ASPSCR1: variants seen among roughly 807,000 people sequenced by gnomAD.
The protein encoded by ASPSCR1 is tether containing UBX domain for GLUT4.
A neutral mutation model predicts 68.9 loss-of-function variants in ASPSCR1; 55 were observed. The ratio of observed to expected loss-of-function variants is 0.80; its 90% CI spans 0.64 to 1.00. The LOEUF (loss-of-function observed/expected upper bound fraction) is 1.00, where lower values mean the gene tolerates loss of function less well. Among genes scored for constraint, ASPSCR1 ranks in the 50% least tolerant of loss-of-function variants. The pLI, the probability that ASPSCR1 is intolerant of heterozygous loss-of-function variation, is 0.00. For missense variants in ASPSCR1, 765 were observed against 762.2 expected, an observed-to-expected ratio of 1.00 and a Z score of -0.04; for synonymous variants, 352 against 332.6, an observed-to-expected ratio of 1.06 and a Z score of -0.63.
At chr17:81,984,994 A>AC (rs140516312) in intron 3 of ASPSCR1, among the ~76,000 whole-genome samples, 1,629 of 68,944 alleles carry the variant, frequency 0.024, 34 homozygotes, top group Non-Finnish European at 0.034. Flanking sequence ...CTGCGTGCAC[A>AC]CCCCCCCACA....
intron 5 of ASPSCR1, 140 bp from the exon 6 acceptor site, chr17:81,995,852 G>A (rs1031530868): frequency 2.5e-6 from 2 of 800,858 alleles, no homozygotes; most frequent in African/African-American, 1.7e-5. Context: ...ACCGGCAGGG[G>A]CCAGATGTGG....
chr17:81,998,471 G>T (rs1050018039), intron 7 of ASPSCR1, among the ~76,000 whole-genome samples: 1 of 152,126 alleles, frequency 6.6e-6, no homozygotes, highest in Non-Finnish European at 1.5e-5. Context: ...GATCTTAGTA[G>T]ACATCCTTCC....
In ASPSCR1 at chr17:82,009,583, G is replaced by T; in HGVS notation, c.1170+16G>T. The T allele has an allele frequency of 3.9e-6, 6 of 1,554,586 alleles. No homozygotes were observed. Among genetic ancestry groups the T allele is most frequent in the South Asian group, 1.2e-5 (1 of 85,510 alleles). ...CTACCCAAAGGTCTGCAGACAGGAT[G>T]TGGGGGCGACTGAGGCACAGCTCTG... On this transcript the variant is annotated intron_variant, in intron 9 of 15. Transcript: ENST00000306739.
At position 81,985,622 on chromosome 17, in the gene ASPSCR1, G is replaced by C. The variant is rs748152664; in HGVS notation, c.374+15G>C. 3 of 1,608,310 alleles carry C rather than the reference G, an allele frequency of 1.9e-6. No individual in the cohort carries two copies. The highest frequency in any genetic ancestry group is 2.2e-5 in the East Asian group (1 of 44,882). On this transcript the variant is annotated intron_variant, in intron 4 of 15. Coordinates refer to ENST00000306739, the MANE Select transcript of ASPSCR1 (RefSeq NM_024083.4). ...CCACAGATCAGGTGAGCATCAGTGG[G>C]CTGGGGGCTCTTCCCTACCCTGTTT...
In ASPSCR1 at chr17:81,977,792, C is replaced by G; in HGVS notation, c.102+44C>G. ...GGCGGACGGGTAGGCGGGCGGGGGG[C>G]GCTGCGCCGAGGCCCCGCCCATTGC... On this transcript the variant is annotated intron_variant, in intron 1 of 15. Transcript: ENST00000306739. This position sits in a 1 kb window ranked among gnomAD's most constrained non-coding sequence, Gnocchi z 5.0. 1 of 1,196,982 alleles carries G rather than the reference C, an allele frequency of 8.4e-7. No homozygotes were observed. The highest frequency in any genetic ancestry group is 1.0e-6 in the Non-Finnish European group (1 of 962,936). 74.1% of individuals were successfully genotyped at this position (1,196,982 alleles called of 1,614,324 possible). A position where few individuals can be genotyped will look rare whatever the true frequency, so the allele number is the denominator to read the frequency against.
intron 11 of ASPSCR1, chr17:82,012,025 C>T: frequency 1.5e-6 from 1 of 688,976 alleles, no homozygotes; most frequent in Non-Finnish European, 2.6e-6. Flanking sequence ...GGTGGTGTCC[C>T]CTGCAGGTGG....
chr17:82,003,687 C>T (rs2042611115), intron 7 of ASPSCR1, among the ~76,000 whole-genome samples: 1 of 152,256 alleles, frequency 6.6e-6, no homozygotes, highest in South Asian at 2.1e-4. Context: ...TTTGTGGTGT[C>T]TTCAGAGGCA....
Position 81,979,207 on chromosome 17 carries a change from G to T in ASPSCR1, c.126G>T (p.Arg42=). ...LLQVLEDTCR[R]QDFNPCEYDL... ...AGGTTCTGGAGGACACGTGCCGGCG[G>T]CAGGACTTCAACCCCTGTGAATATG... The change falls in exon 2 of 16, where the codon CGG becomes CGT. Residue 42 remains arginine (R), a synonymous_variant. Coordinates refer to ENST00000306739, the MANE Select transcript of ASPSCR1 (RefSeq NM_024083.4). The T allele has an allele frequency of 6.2e-7, 1 of 1,614,118 alleles. No individual in the cohort carries two copies. The highest frequency in any genetic ancestry group is 8.5e-7 in the Non-Finnish European group (1 of 1,180,012).
chr17:82,003,537 G>A (rs1437897868), intron 7 of ASPSCR1, among the ~76,000 whole-genome samples: 4 of 152,254 alleles, frequency 2.6e-5, no homozygotes, highest in East Asian at 3.8e-4. Context: ...CATGAGCATC[G>A]GTGCGGATGC....
At chr17:82,008,782 G>A (rs1271906521) in intron 7 of ASPSCR1, 1 of 416,106 alleles carries the variant, frequency 2.4e-6, no homozygotes. Context: ...CAGGGGCTCA[G>A]CATCAGGTCT....
intron 7 of ASPSCR1, chr17:82,008,677 C>T (rs1478925543): frequency 2.9e-5 from 6 of 210,270 alleles, no homozygotes; most frequent in South Asian, 1.7e-4. Flanking sequence ...TTTTTGCCGA[C>T]GCTCTAATTT....
chr17:81,982,459 A>G (rs2041825528), intron 2 of ASPSCR1, among the ~76,000 whole-genome samples: 1 of 152,238 alleles, frequency 6.6e-6, no homozygotes, highest in Non-Finnish European at 1.5e-5. Context: ...AGGCGTGAAC[A>G]GTGCCCTCCG....
intron 4 of ASPSCR1, 26 bp from the exon 5 acceptor site, chr17:81,994,795 T>C: frequency 6.2e-7 from 1 of 1,611,330 alleles, no homozygotes. Flanking sequence ...CTGGGGTACC[T>C]GATGGTTTCT....
intron 7 of ASPSCR1, among the ~76,000 whole-genome samples, chr17:81,997,930 G>T (rs1038081501): frequency 2.7e-5 from 4 of 149,350 alleles, no homozygotes; most frequent in Non-Finnish European, 5.9e-5. Context: ...GGGTTCAAGC[G>T]ATTCTCCTGC....
rs985632621 is a variant in ASPSCR1, at chr17:81,994,854, A to G, written c.408A>G (p.Pro136=). The change falls in exon 5 of 16, where the codon CCA becomes CCG. Residue 136 remains proline, a synonymous_variant. Coordinates refer to ENST00000306739, the MANE Select transcript of ASPSCR1 (RefSeq NM_024083.4). ...ECLQHPGGAT[P]VCVYTRDEVT... The stretch of plus-strand genomic sequence containing the variant: ...TGCAGCACCCCGGCGGGGCCACCCC[A>G]GTCTGCGTGTACACGAGGGATGAGG... 6.2e-7 allele frequency: 1 copy of G among 1,613,242 alleles called. No individual in the cohort carries two copies. Among genetic ancestry groups the G allele is most frequent in the Non-Finnish European group, 8.5e-7 (1 of 1,179,888 alleles).
chr17:82,016,356 C>CATG, intron 12 of ASPSCR1, 120 bp from the exon 13 acceptor site: 1 of 896,702 alleles, frequency 1.1e-6, no homozygotes, highest in African/African-American at 1.7e-5. Context: ...TCATGGGGGC[C>CATG]GGGCAGGCAG....
Position 81,987,154 on chromosome 17 carries a change from G to GC in ASPSCR1, c.374+1548dup, listed in dbSNP as rs1312769686. Among the ~76,000 whole-genome samples the GC allele has an allele frequency of 6.9e-6, 1 of 143,976 alleles. No individual in the cohort carries two copies. The highest frequency in any genetic ancestry group is 1.5e-5 in the Non-Finnish European group (1 of 67,088). 94.5% of individuals were successfully genotyped at this position (143,976 alleles called of 152,430 possible). ...GGAGGTGACAGAGCCTAAGAGCAAAGCGAAGCCACGGGCAGGGGTGAGCGG... is the reference window on the plus strand; with the variant it reads ...GGAGGTGACAGAGCCTAAGAGCAAAGCCGAAGCCACGGGCAGGGGTGAGCGG... On this transcript the variant is annotated intron_variant, in intron 4 of 15. Coordinates refer to ENST00000306739, the MANE Select transcript of ASPSCR1 (RefSeq NM_024083.4). This position sits in a 1 kb window ranked among gnomAD's most constrained non-coding sequence, Gnocchi z 5.6.
At chr17:82,014,772 G>A (rs1308898110) in intron 12 of ASPSCR1, 5 of 467,260 alleles carry the variant, frequency 1.1e-5, no homozygotes, top group South Asian at 2.5e-5. Flanking sequence ...GCCTCCTTTC[G>A]GAAGCTCTTC....
intron 9 of ASPSCR1, chr17:82,010,088 T>TTG (rs1491345540): frequency 1.4e-4 from 15 of 103,508 alleles, no homozygotes; most frequent in Non-Finnish European, 2.5e-4. Context: ...ATTTTTGTTG[T>TTG]TTTTTTTTTT....
Sources: allele counts gnomAD v4.1 joint callset (sites outside exome capture counted in the v4.1 genomes callset), GRCh38; gene constraint gnomAD v4.1.1; non-coding constraint Gnocchi (gnomAD v3.1); transcripts MANE v1.5; gene names NCBI Gene and HGNC (gene_info 2026-07-23, HGNC 2026-07-21).